The following ANKS1B variants were observed in gnomAD, a reference collection of about 807,000 sequenced individuals.
The protein encoded by ANKS1B is ankyrin repeat and sterile alpha motif domain containing 1B.
In ANKS1B, 36 loss-of-function variants were observed where a neutral mutation model predicts 148.3. The ratio of observed to expected loss-of-function variants is 0.24; its 90% confidence interval spans 0.19 to 0.32. The LOEUF is 0.32. ANKS1B is among the 10% of genes least tolerant of loss of function. ANKS1B has a pLI of 1.00. For synonymous variants in ANKS1B, 542 were observed against 560.8 expected (o/e 0.97, Z 0.47); for missense variants, 1,157 against 1,542.6 (o/e 0.75, Z 4.19).
intron 3 of ANKS1B, among the ~76,000 whole-genome samples, chr12:99,809,998 G>A (rs933195610): frequency 3.3e-5 from 5 of 151,962 alleles, no homozygotes; most frequent in African/African-American, 1.2e-4. Context: ...GGCTTAGTAA[G>A]ATAACGGGGA....
intron 9 of ANKS1B, among the ~76,000 whole-genome samples, chr12:99,515,678 TG>T (rs552611331): frequency 2.0e-5 from 3 of 151,454 alleles, no homozygotes; most frequent in Non-Finnish European, 4.4e-5. Flanking sequence ...CCTTTGGGGG[TG>T]GGGGGTGTAT....
intron 1 of ANKS1B, among the ~76,000 whole-genome samples, chr12:99,931,289 T>C (rs1425510460): frequency 2.6e-5 from 4 of 152,040 alleles, no homozygotes. Context: ...CATGTATACA[T>C]ATGTAACAAA....
intron 4 of ANKS1B, among the ~76,000 whole-genome samples, chr12:99,804,321 CTACT>C (rs1208328506): frequency 6.6e-6 from 1 of 152,142 alleles, no homozygotes; most frequent in African/African-American, 2.4e-5. Flanking sequence ...GTAAGCATAC[CTACT>C]TATTTTCAAT....
intron 9 of ANKS1B, among the ~76,000 whole-genome samples, chr12:99,506,561 A>G (rs886961054): frequency 1.3e-5 from 2 of 152,024 alleles, no homozygotes; most frequent in African/African-American, 4.8e-5. Context: ...GCAGTGTTCT[A>G]TCCAGAGAAG....
chr12:99,781,984 C>G (rs1429472720), intron 5 of ANKS1B, 38 bp downstream of exon 5: 8 of 1,508,926 alleles, frequency 5.3e-6, no homozygotes, highest in Non-Finnish European at 7.2e-6. Flanking sequence ...GAAATGTTAT[C>G]TGTCAGGATA....
At chr12:99,017,976 C>T (rs949710503) in intron 17 of ANKS1B, among the ~76,000 whole-genome samples, 4 of 152,156 alleles carry the variant, frequency 2.6e-5, no homozygotes, top group South Asian at 4.1e-4. Context: ...CTTCCTGAGA[C>T]CCTCTTTGGA....
intron 14 of ANKS1B, among the ~76,000 whole-genome samples, chr12:99,165,974 A>G (rs892553523): frequency 2.0e-5 from 3 of 151,912 alleles, no homozygotes; most frequent in Non-Finnish European, 3.0e-5. Context: ...TCTCTTAAAC[A>G]TGGGAGAATC....
At chr12:99,041,937 G>C (rs1314647338) in intron 17 of ANKS1B, among the ~76,000 whole-genome samples, 2 of 152,070 alleles carry the variant, frequency 1.3e-5, no homozygotes, top group Non-Finnish European at 2.9e-5. Flanking sequence ...GAAGGTTGAG[G>C]ATGCAGTGAA....
intron 12 of ANKS1B, among the ~76,000 whole-genome samples, chr12:99,377,670 C>A (rs1361733553): frequency 6.6e-6 from 1 of 152,198 alleles, no homozygotes; most frequent in Non-Finnish European, 1.5e-5. Flanking sequence ...TGTATATTTT[C>A]TTCAAGCTAC....
intron 8 of ANKS1B, among the ~76,000 whole-genome samples, chr12:99,702,255 T>C (rs2054951590): frequency 6.6e-6 from 1 of 152,170 alleles, no homozygotes; most frequent in Non-Finnish European, 1.5e-5. Context: ...AGAGGATATC[T>C]CATTGCGGAT....
chr12:98,799,279 C>T (rs568621794), intron 21 of ANKS1B, among the ~76,000 whole-genome samples: 2 of 152,192 alleles, frequency 1.3e-5, no homozygotes, highest in East Asian at 3.9e-4. Context: ...TATTTAACTG[C>T]AAAATGGGGG....
chr12:99,964,294 A>T (rs1265621299), intron 1 of ANKS1B, among the ~76,000 whole-genome samples: 1 of 152,240 alleles, frequency 6.6e-6, no homozygotes, highest in Non-Finnish European at 1.5e-5. Context: ...ATTTTCTTCC[A>T]ATACAAGGTA....
intron 14 of ANKS1B, among the ~76,000 whole-genome samples, chr12:99,216,490 TTTC>T (rs1316703430): frequency 2.6e-5 from 4 of 152,252 alleles, no homozygotes; most frequent in African/African-American, 7.2e-5. Flanking sequence ...TAAATACACA[TTTC>T]TTTTTTTAAA....
intron 1 of ANKS1B, among the ~76,000 whole-genome samples, chr12:99,838,349 A>G (rs1322736834): frequency 2.0e-5 from 3 of 152,208 alleles, no homozygotes; most frequent in African/African-American, 7.2e-5. Flanking sequence ...AGTTTTCCAA[A>G]GAGGTTATAC....
intron 17 of ANKS1B, among the ~76,000 whole-genome samples, chr12:98,943,305 T>C (rs2099839967): frequency 6.6e-6 from 1 of 152,242 alleles, no homozygotes; most frequent in Admixed American, 6.5e-5. Flanking sequence ...AGTACCTTTG[T>C]ATTTGCAATG....
chr12:99,275,785 T>A (rs930728070), intron 12 of ANKS1B, among the ~76,000 whole-genome samples: 1 of 152,222 alleles, frequency 6.6e-6, no homozygotes, highest in Non-Finnish European at 1.5e-5. Flanking sequence ...TGGAAAAATG[T>A]CATTATCATT....
At chr12:99,559,817 G>T (rs2097314011) in intron 9 of ANKS1B, among the ~76,000 whole-genome samples, 1 of 152,136 alleles carries the variant, frequency 6.6e-6, no homozygotes, top group South Asian at 2.1e-4. Flanking sequence ...AAGTATTGCT[G>T]CTTAAGTTTT....
chr12:99,060,752 G>A (rs2042197494), intron 16 of ANKS1B, among the ~76,000 whole-genome samples: 2 of 149,612 alleles, frequency 1.3e-5, no homozygotes, highest in South Asian at 4.2e-4. Flanking sequence ...CTCTTTGCCT[G>A]AAGCCAGCAT....
At chr12:99,135,005 C>T (rs925313024) in intron 15 of ANKS1B, among the ~76,000 whole-genome samples, 4 of 152,064 alleles carry the variant, frequency 2.6e-5, no homozygotes, top group African/African-American at 9.7e-5. Context: ...AAATAATGCA[C>T]AGCAGAAAAA....
Sources: gnomAD v4.1 joint callset for allele counts (sites outside exome capture counted in the v4.1 genomes callset) on GRCh38, gnomAD v4.1.1 for gene constraint, MANE v1.5 for transcripts, NCBI Gene and HGNC (gene_info 2026-07-23, HGNC 2026-07-21) for gene names.